The following GABRB3 variants were observed in gnomAD, a reference collection of about 807,000 sequenced individuals.
The protein encoded by GABRB3 is gamma-aminobutyric acid receptor subunit beta-3.
In GABRB3, 14 loss-of-function variants were observed where a neutral mutation model predicts 52.1. The ratio of observed to expected loss-of-function variants is 0.27; its 90% CI spans 0.18 to 0.42. The LOEUF is 0.42. Ranked by LOEUF, GABRB3 falls within the 10% of genes least tolerant of loss-of-function variation. The pLI, the probability that GABRB3 is intolerant of heterozygous loss-of-function variation, is 1.00. For synonymous variants in GABRB3, 260 were observed against 232.3 expected, an observed-to-expected ratio of 1.12 and a Z score of -1.08; for missense variants, 307 against 609.1, an observed-to-expected ratio of 0.50 and a Z score of 5.22.
chr15:26,664,708 T>TG (rs1288990665), intron 3 of GABRB3, among the ~76,000 whole-genome samples: 1 of 142,694 alleles, frequency 7.0e-6, no homozygotes, highest in Non-Finnish European at 1.5e-5. Context: ...TTCTTTGTTT[T>TG]TTTTTTTTTT....
At chr15:26,606,353 T>C (rs1443516579) in intron 4 of GABRB3, among the ~76,000 whole-genome samples, 5 of 152,108 alleles carry the variant, frequency 3.3e-5, no homozygotes, top group Non-Finnish European at 7.4e-5. Context: ...TACCCAATAT[T>C]CCATGATGTG....
intron 3 of GABRB3, among the ~76,000 whole-genome samples, chr15:26,665,452 T>G (rs1332672312): frequency 1.3e-5 from 2 of 152,228 alleles, no homozygotes; most frequent in African/African-American, 4.8e-5. Flanking sequence ...GAACCAAGAT[T>G]TAAAAACTAA....
chr15:26,685,459 T>C lies in GABRB3; in HGVS notation c.241-63925A>G, dbSNP rs1302651636. Reference sequence around the variant, plus strand: ...CACAATTTCCAAGGGAAAAGAGAATTTGGATCTGTTTTCTATATTTCTGAA... The same window carrying C: ...CACAATTTCCAAGGGAAAAGAGAATCTGGATCTGTTTTCTATATTTCTGAA... On this transcript the variant is annotated intron_variant, in intron 3 of 8. Coordinates refer to ENST00000311550, the MANE Select transcript of GABRB3 (RefSeq NM_000814.6). 3.3e-5 allele frequency among the ~76,000 whole-genome samples: 5 copies of C among 152,274 alleles called. No individual in the cohort carries two copies. The East Asian group carries it at 9.7e-4, about 29-fold the overall frequency.
intron 3 of GABRB3, among the ~76,000 whole-genome samples, chr15:26,726,504 T>A (rs1889774590): frequency 6.6e-6 from 1 of 152,218 alleles, no homozygotes; most frequent in Non-Finnish European, 1.5e-5. Flanking sequence ...TTCTAGAAGT[T>A]TGGACACTTC....
At chr15:26,753,672 C>T (rs2140174652) in intron 3 of GABRB3, among the ~76,000 whole-genome samples, 1 of 152,306 alleles carries the variant, frequency 6.6e-6, no homozygotes, top group African/African-American at 2.4e-5. Context: ...CAGATACTTT[C>T]TATTTCCTAT....
At chr15:26,746,575 GT>G (rs200499502) in intron 3 of GABRB3, among the ~76,000 whole-genome samples, 70 of 135,304 alleles carry the variant, frequency 5.2e-4, no homozygotes, top group Admixed American at 7.3e-4. Context: ...ATTTAAGTCC[GT>G]TTTTTGTTTT....
At chr15:26,629,615 C>T (rs1294868279) in intron 3 of GABRB3, among the ~76,000 whole-genome samples, 1 of 152,100 alleles carries the variant, frequency 6.6e-6, no homozygotes, top group Non-Finnish European at 1.5e-5. Context: ...TGTCCTCGTC[C>T]TTGGCTGTGG....
intron 3 of GABRB3, among the ~76,000 whole-genome samples, chr15:26,718,618 T>A (rs1889563979): frequency 6.6e-6 from 1 of 152,158 alleles, no homozygotes; most frequent in Admixed American, 6.5e-5. Context: ...TTTTTTCTTA[T>A]TATACTCTCG....
rs1211246723 is a variant in GABRB3 at position 26,621,770 on chromosome 15, G to C, written c.241-236C>G. 1.3e-5 allele frequency among the ~76,000 whole-genome samples: 2 copies of C among 152,140 alleles called. No homozygotes were observed. Among genetic ancestry groups the C allele is most frequent in the Admixed American group, 6.5e-5 (1 of 15,276 alleles). ...GTATAGATGTCCTCTGTTTTACTTAGGTTAAGAAGCAGACTAGACAAACTG... is the reference window on the plus strand; with the variant it reads ...GTATAGATGTCCTCTGTTTTACTTACGTTAAGAAGCAGACTAGACAAACTG... On this transcript the variant is annotated intron_variant, in intron 3 of 8. Transcript: ENST00000311550. This position sits in a 1 kb window ranked among gnomAD's most constrained non-coding sequence, Gnocchi z 4.1.
At chr15:26,594,152 T>C (rs1042577876) in intron 4 of GABRB3, among the ~76,000 whole-genome samples, 2 of 151,434 alleles carry the variant, frequency 1.3e-5, no homozygotes, top group Non-Finnish European at 2.9e-5. Flanking sequence ...TGTTTTCCCT[T>C]ACCTCTTTGA....
At chr15:26,628,954 G>C (rs1165279742) in intron 3 of GABRB3, 2 of 1,535,670 alleles carry the variant, frequency 1.3e-6, no homozygotes, top group Non-Finnish European at 1.7e-6. Context: ...TGACTGCCGA[G>C]AGCCCGCGTC....
intron 3 of GABRB3, among the ~76,000 whole-genome samples, chr15:26,719,890 C>T (rs2140140270): frequency 6.6e-6 from 1 of 152,306 alleles, no homozygotes; most frequent in Admixed American, 6.5e-5. Flanking sequence ...TACTGTCAGG[C>T]CTCTGAGCCC....
intron 3 of GABRB3, among the ~76,000 whole-genome samples, chr15:26,732,304 G>A (rs780909574): frequency 2.6e-5 from 2 of 76,360 alleles, no homozygotes; most frequent in African/African-American, 1.1e-4. Flanking sequence ...ATGGATGGAT[G>A]GATGGATGGA....
At chr15:26,705,852 C>G (rs150268920) in intron 3 of GABRB3, among the ~76,000 whole-genome samples, 1 of 152,122 alleles carries the variant, frequency 6.6e-6, no homozygotes, top group African/African-American at 2.4e-5. Flanking sequence ...ATGTGCAGTT[C>G]ATGGACATAA....
At chr15:26,601,286 T>C (rs1370824669) in intron 4 of GABRB3, among the ~76,000 whole-genome samples, 1 of 152,066 alleles carries the variant, frequency 6.6e-6, no homozygotes, top group Non-Finnish European at 1.5e-5. Flanking sequence ...GCCAGGCACC[T>C]GTAATCCTAG....
intron 3 of GABRB3, among the ~76,000 whole-genome samples, chr15:26,635,910 T>C (rs761154398): frequency 7.2e-5 from 11 of 152,240 alleles, no homozygotes; most frequent in Non-Finnish European, 1.6e-4. Context: ...CCTATTAGAT[T>C]ACTGCTGTTA....
chr15:26,725,273 T>C (rs1385926768), intron 3 of GABRB3, among the ~76,000 whole-genome samples: 6 of 152,232 alleles, frequency 3.9e-5, no homozygotes, highest in Admixed American at 1.3e-4. Context: ...TAGCTGTAAC[T>C]TCAGGTGTCT....
chr15:26,732,417 A>G (rs925333665), intron 3 of GABRB3, among the ~76,000 whole-genome samples: 1 of 152,182 alleles, frequency 6.6e-6, no homozygotes, highest in Non-Finnish European at 1.5e-5. Flanking sequence ...AATTTCCAGT[A>G]TGATTATCCA....
chr15:26,740,113 A>G (rs566461648), intron 3 of GABRB3, among the ~76,000 whole-genome samples: 153 of 152,252 alleles, frequency 1.0e-3, no homozygotes, highest in Non-Finnish European at 1.5e-3. Flanking sequence ...GCAGCTTCCC[A>G]GGGCTGACCA....
Sources: allele counts gnomAD v4.1 joint callset (sites outside exome capture counted in the v4.1 genomes callset), GRCh38; gene constraint gnomAD v4.1.1; non-coding constraint Gnocchi (gnomAD v3.1); transcripts MANE v1.5; gene names NCBI Gene and HGNC (gene_info 2026-07-23, HGNC 2026-07-21).